Variants in AMBRA1 observed in about 807,000 individuals in gnomAD.
AMBRA1 encodes activating molecule in BECN1-regulated autophagy protein 1.
Under a neutral mutation model 125.4 loss-of-function variants are expected in AMBRA1, and 47 were observed. The observed-to-expected ratio is 0.37, with a 90% confidence interval of 0.30 to 0.48. The LOEUF is 0.48. Among genes scored for constraint, AMBRA1 ranks in the 20% least tolerant of loss-of-function variants. The pLI is 0.99. For synonymous variants in AMBRA1, 626 were observed against 655.5 expected, an observed-to-expected ratio of 0.95 and a Z score of 0.69; for missense variants, 1,331 against 1,693.4, an observed-to-expected ratio of 0.79 and a Z score of 3.76.
At position 46,542,686 on chromosome 11, in the gene AMBRA1, G is replaced by C. The variant is rs139222125; in HGVS notation, c.1331C>G (p.Ser444Trp). ...TCTCAGCACAGACAGCAAACTCACC[G>C]AAGAGGCACTGGTTCTGGGCGGGGG... Reference protein sequence around the residue: ...SMPPPRTSASSVSLLSVLRQQ... With the variant: ...SMPPPRTSASWVSLLSVLRQQ... Residue 444 changes from serine (S) to tryptophan (W), a missense_variant, in exon 7 of 18, where the codon TCG becomes TGG. By Grantham distance (177) the Ser-to-Trp change is radical (BLOSUM62 -3). Around this residue, in one of 4 missense-constraint regions of AMBRA1, gnomAD observed 689 missense variants for 776.5 expected, o/e 0.89. Transcript: ENST00000683756. The surrounding 1 kb of genome is among the most constrained non-coding windows in gnomAD (Gnocchi z 5.9). The C allele has an allele frequency of 1.2e-6, 2 of 1,614,032 alleles. No individual in the cohort carries two copies. Among genetic ancestry groups the C allele is most frequent in the East Asian group, 2.2e-5 (1 of 44,900 alleles).
Position 46,499,549 on chromosome 11 carries a change from T to C in AMBRA1, c.2340-5345A>G, listed in dbSNP as rs150226521. On this transcript the variant is annotated intron_variant, in intron 9 of 17. Transcript: ENST00000683756. Reference sequence around the variant, plus strand: ...GTAAAGTATGTATTTTACAAATACATTGAGGCTCGACAGGTACCATATAGC... The same window carrying C: ...GTAAAGTATGTATTTTACAAATACACTGAGGCTCGACAGGTACCATATAGC... Among the ~76,000 whole-genome samples the C allele has an allele frequency of 1.0e-3, 157 of 152,348 alleles. 1 individual carries two copies. Among genetic ancestry groups the C allele is most frequent in the African/African-American group, 3.7e-3 (152 of 41,592 alleles).
intron 11 of AMBRA1, among the ~76,000 whole-genome samples, chr11:46,485,051 C>T (rs12280656): frequency 0.067 from 10,226 of 151,962 alleles, 1,127 homozygotes; most frequent in African/African-American, 0.23. Context: ...GATTCTCCTG[C>T]CTTGGCCTCC....
intron 11 of AMBRA1, among the ~76,000 whole-genome samples, chr11:46,487,165 G>A (rs1402743464): frequency 6.6e-6 from 1 of 151,868 alleles, no homozygotes; most frequent in Non-Finnish European, 1.5e-5. Flanking sequence ...GGCTGAGGTA[G>A]GAGAATAGCT....
intron 7 of AMBRA1, among the ~76,000 whole-genome samples, chr11:46,529,797 G>A (rs906894523): frequency 1.3e-5 from 2 of 152,144 alleles, no homozygotes. Flanking sequence ...AAACATACTT[G>A]AGGACTATTT....
intron 14 of AMBRA1, among the ~76,000 whole-genome samples, chr11:46,431,575 C>A (rs1218077480): frequency 6.6e-6 from 1 of 152,194 alleles, no homozygotes; most frequent in Non-Finnish European, 1.5e-5. Flanking sequence ...AGGAGCTGGG[C>A]AAGAGCCCTG....
At chr11:46,561,407 G>GAA (rs544380196) in intron 1 of AMBRA1, among the ~76,000 whole-genome samples, 1 of 134,598 alleles carries the variant, frequency 7.4e-6, no homozygotes, top group Non-Finnish European at 1.6e-5. Flanking sequence ...AATATTGTCA[G>GAA]AAAAAAAAAA....
intron 1 of AMBRA1, among the ~76,000 whole-genome samples, chr11:46,578,197 C>G (rs546016368): frequency 9.9e-4 from 151 of 151,968 alleles, no homozygotes; most frequent in African/African-American, 3.6e-3. Context: ...ATATAAAATT[C>G]CAGGTAGGGC....
intron 1 of AMBRA1, among the ~76,000 whole-genome samples, chr11:46,564,933 GCA>G (rs2043468707): frequency 1.3e-5 from 2 of 152,102 alleles, no homozygotes; most frequent in Non-Finnish European, 2.9e-5. Context: ...TAAGTTATGT[GCA>G]CCAAGAATGT....
At chr11:46,425,613 AGGTG>A (rs1947088269) in intron 14 of AMBRA1, among the ~76,000 whole-genome samples, 1 of 145,156 alleles carries the variant, frequency 6.9e-6, no homozygotes. Flanking sequence ...AGGCTGAGGC[AGGTG>A]GATCACGAGG....
rs140041392 is a variant in AMBRA1 at position 46,557,394 on chromosome 11, A to G, written c.-120-8894T>C. Among the ~76,000 whole-genome samples the G allele has an allele frequency of 1.1e-4, 17 of 152,316 alleles. No homozygotes were observed. The East Asian group carries it at 3.3e-3, about 29-fold the overall frequency. ...AAAAGTTTAGGCCACAAAGCCCTGT[A>G]AACAGTCAGACAAATTAAATTTAAA... On this transcript the variant is annotated intron_variant, in intron 1 of 17. Transcript: ENST00000683756.
chr11:46,486,162 G>C (rs1950260912), intron 11 of AMBRA1, among the ~76,000 whole-genome samples: 1 of 152,170 alleles, frequency 6.6e-6, no homozygotes, highest in Admixed American at 6.5e-5. Flanking sequence ...TTTATCTGGG[G>C]TTTATAAACA....
intron 7 of AMBRA1, among the ~76,000 whole-genome samples, chr11:46,537,797 A>G (rs1241575087): frequency 6.6e-6 from 1 of 152,210 alleles, no homozygotes; most frequent in Non-Finnish European, 1.5e-5. Context: ...AGCAGCACCA[A>G]GGATCCAGAC....
chr11:46,465,436 T>G (rs1949283758), intron 11 of AMBRA1, among the ~76,000 whole-genome samples: 1 of 152,214 alleles, frequency 6.6e-6, no homozygotes, highest in East Asian at 1.9e-4. Flanking sequence ...TTACTACAGT[T>G]ATGTGTAGGT....
Position 46,473,682 on chromosome 11 carries a change from C to G in AMBRA1, c.2521+19926G>C, listed in dbSNP as rs369292170. Among the ~76,000 whole-genome samples the G allele has an allele frequency of 7.9e-5, 12 of 152,306 alleles. 1 individual carries two copies. The South Asian group carries it at 2.5e-3, about 32-fold the overall frequency. On this transcript the variant is annotated intron_variant, in intron 11 of 17. Transcript: ENST00000683756. ...TTTGTTTGTTTTTGAGACGGAGTCT[C>G]GCACTGTCGCCCAGGCTGAGTGCAG...
rs113514757 is a variant in AMBRA1 at position 46,402,417 on chromosome 11, G to A, written c.3404-4474C>T. 3.4e-3 allele frequency among the ~76,000 whole-genome samples: 516 copies of A among 152,006 alleles called. 6 individuals are homozygous for A. Among genetic ancestry groups the A allele is most frequent in the African/African-American group, 0.012 (486 of 41,462 alleles). Reference sequence around the variant, plus strand: ...TGCTCTGTTGCCCAGGCTGGAGTGCGGTGGCGAGATCTCAGCTCACTACAA... The same window carrying A: ...TGCTCTGTTGCCCAGGCTGGAGTGCAGTGGCGAGATCTCAGCTCACTACAA... On this transcript the variant is annotated intron_variant, in intron 17 of 17. Transcript: ENST00000683756.
intron 11 of AMBRA1, among the ~76,000 whole-genome samples, chr11:46,444,685 C>G (rs1948189831): frequency 6.6e-6 from 1 of 152,222 alleles, no homozygotes; most frequent in Non-Finnish European, 1.5e-5. Context: ...TCTTCCTCCT[C>G]TGCACATCAC....
intron 1 of AMBRA1, among the ~76,000 whole-genome samples, chr11:46,564,176 T>A (rs1351205715): frequency 2.8e-4 from 28 of 100,350 alleles, no homozygotes; most frequent in African/African-American, 5.8e-4. Context: ...GTAAGAGCAA[T>A]CTTAAAGCCT....
intron 14 of AMBRA1, among the ~76,000 whole-genome samples, chr11:46,422,306 G>A (rs898354311): frequency 6.6e-6 from 1 of 152,102 alleles, no homozygotes; most frequent in Admixed American, 6.5e-5. Context: ...ATCTATGAAG[G>A]GAAATAGAAT....
chr11:46,581,818 A>AG (rs1416014173), intron 1 of AMBRA1, among the ~76,000 whole-genome samples: 6 of 151,134 alleles, frequency 4.0e-5, no homozygotes, highest in Non-Finnish European at 8.9e-5. Flanking sequence ...AAAAAAAAAA[A>AG]AAATCCAAAA....
Sources: gnomAD v4.1 joint callset for allele counts (sites outside exome capture counted in the v4.1 genomes callset) on GRCh38, gnomAD v4.1.1 for gene constraint, gnomAD v4.1.1 regional missense constraint, Gnocchi (gnomAD v3.1) non-coding constraint, MANE v1.5 for transcripts, NCBI Gene and HGNC (gene_info 2026-07-23, HGNC 2026-07-21) for gene names.